The following CNTNAP3B variants were observed in gnomAD, a reference collection of about 807,000 sequenced individuals.
CNTNAP3B encodes the protein contactin associated protein family member 3B.
Under a neutral mutation model 108.9 loss-of-function variants are expected in CNTNAP3B, and 25 were observed. The ratio of observed to expected loss-of-function variants is 0.23; its 90% CI spans 0.17 to 0.32. The LOEUF is 0.32. Ranked by LOEUF, CNTNAP3B falls within the 10% of genes least tolerant of loss-of-function variation. CNTNAP3B has a pLI of 1.00. For missense variants in CNTNAP3B, 252 were observed against 1,210.4 expected (o/e 0.21, Z 11.75); for synonymous variants, 103 against 473.4 (o/e 0.22, Z 10.16).
intron 1 of CNTNAP3B, among the ~76,000 whole-genome samples, chr9:42,124,829 T>C (rs547852643): frequency 7.4e-6 from 1 of 135,360 alleles, no homozygotes; most frequent in Admixed American, 7.4e-5. Flanking sequence ...TAATTTGATT[T>C]AGAGACATAT....
chr9:41,916,437 G>A (rs1314458210), intron 18 of CNTNAP3B, among the ~76,000 whole-genome samples: 1 of 151,730 alleles, frequency 6.6e-6, no homozygotes, highest in East Asian at 1.9e-4. Context: ...TTTTTTGTGT[G>A]TAGATTCAGA....
intron 9 of CNTNAP3B, among the ~76,000 whole-genome samples, chr9:41,977,777 G>A (rs1399252065): frequency 2.4e-5 from 2 of 82,140 alleles, no homozygotes; most frequent in Non-Finnish European, 4.6e-5. Context: ...CCACCACCAT[G>A]CCCAGCTAAT....
chr9:41,933,403 G>A (rs1824040391), intron 14 of CNTNAP3B, among the ~76,000 whole-genome samples: 1 of 152,064 alleles, frequency 6.6e-6, no homozygotes, highest in Non-Finnish European at 1.5e-5. Flanking sequence ...AAGATACTGA[G>A]TCATACTATC....
At chr9:42,063,965 C>T (rs1474108408) in intron 3 of CNTNAP3B, among the ~76,000 whole-genome samples, 2 of 146,488 alleles carry the variant, frequency 1.4e-5, no homozygotes, top group African/African-American at 2.6e-5. Flanking sequence ...AAGTTTTGTT[C>T]TTTTGATGCT....
chr9:42,028,930 T>C (rs1212225465), intron 3 of CNTNAP3B, among the ~76,000 whole-genome samples: 1 of 151,888 alleles, frequency 6.6e-6, no homozygotes, highest in African/African-American at 2.4e-5. Context: ...AATTAAAATT[T>C]TTTTGGCATT....
intron 3 of CNTNAP3B, among the ~76,000 whole-genome samples, chr9:42,014,620 C>G (rs1401340724): frequency 1.9e-5 from 2 of 106,306 alleles, no homozygotes; most frequent in African/African-American, 7.6e-5. Context: ...GAAACCCTGT[C>G]TCTACTAAAA....
chr9:41,931,191 T>A lies in CNTNAP3B; in HGVS notation c.2238-1747A>T, dbSNP rs1276520992. On this transcript the variant is annotated intron_variant, in intron 14 of 23. Transcript: ENST00000377561. ...ATAAGGCTTTCTGAATTAAAAAAAA[T>A]TAAATTGGCATGTCAGAGTTGTACA... 4.6e-5 allele frequency among the ~76,000 whole-genome samples: 7 copies of A among 152,414 alleles called. No individual in the cohort carries two copies. The South Asian group carries it at 8.3e-4, about 18-fold the overall frequency.
chr9:42,115,544 T>C (rs1462705301), intron 1 of CNTNAP3B, among the ~76,000 whole-genome samples: 1 of 137,730 alleles, frequency 7.3e-6, no homozygotes, highest in Non-Finnish European at 1.5e-5. Context: ...CAGCAACATT[T>C]GCCATTCTGC....
intron 18 of CNTNAP3B, among the ~76,000 whole-genome samples, chr9:41,918,389 C>A (rs1248559214): frequency 2.7e-5 from 4 of 147,082 alleles, no homozygotes; most frequent in Admixed American, 6.8e-5. Context: ...TCTCTTAAAA[C>A]ACTTTATGAA....
intron 13 of CNTNAP3B, among the ~76,000 whole-genome samples, chr9:41,944,360 G>T (rs1300487439): frequency 0.11 from 15,419 of 137,044 alleles, 93 homozygotes; most frequent in Middle Eastern, 0.15. Context: ...GGTGATTATG[G>T]CTTATGAATA....
intron 14 of CNTNAP3B, among the ~76,000 whole-genome samples, chr9:41,934,650 A>C (rs1347375618): frequency 5.7e-4 from 87 of 152,344 alleles, no homozygotes; most frequent in Non-Finnish European, 1.1e-3. Context: ...TGTCTGACAT[A>C]ATACAGCTAT....
Position 42,056,048 on chromosome 9 carries a change from T to C in CNTNAP3B, c.390+20821A>G, listed in dbSNP as rs569692220. On this transcript the variant is annotated intron_variant, in intron 3 of 23. Transcript: ENST00000377561. ...CACAGTAAGCACTCAAGATACATAA[T>C]GTCTTCATACTTAAATTTGTTCTTA... Among the ~76,000 whole-genome samples the C allele has an allele frequency of 3.9e-4, 44 of 113,442 alleles. 1 individual carries two copies. Among genetic ancestry groups the C allele is most frequent in the African/African-American group, 1.4e-3 (39 of 28,882 alleles). 74.4% of individuals were successfully genotyped at this position (113,442 alleles called of 152,430 possible).
chr9:41,972,974 G>T (rs1185754479), intron 9 of CNTNAP3B, among the ~76,000 whole-genome samples: 1 of 85,324 alleles, frequency 1.2e-5, no homozygotes, highest in Non-Finnish European at 2.2e-5. Flanking sequence ...GTCTCATGCT[G>T]TCACCCAGGC....
chr9:41,965,723 C>T (rs1261612690), intron 10 of CNTNAP3B, among the ~76,000 whole-genome samples: 1 of 152,150 alleles, frequency 6.6e-6, no homozygotes. Context: ...AGAGAAGTAA[C>T]AGAAGAGGGG....
chr9:42,089,665 C>T (rs1300848242), intron 2 of CNTNAP3B, among the ~76,000 whole-genome samples: 1 of 148,356 alleles, frequency 6.7e-6, no homozygotes, highest in Admixed American at 6.7e-5. Context: ...TTCTCTGCCT[C>T]TTAATCACTG....
At chr9:42,098,628 A>T (rs1827960941) in intron 2 of CNTNAP3B, among the ~76,000 whole-genome samples, 1 of 90,474 alleles carries the variant, frequency 1.1e-5, no homozygotes, top group Admixed American at 1.1e-4. Context: ...GATAACTAAG[A>T]CTTTGGCCCT....
intron 15 of CNTNAP3B, among the ~76,000 whole-genome samples, chr9:41,924,690 C>CACACAG (rs1823764629): frequency 6.7e-6 from 1 of 149,186 alleles, no homozygotes; most frequent in African/African-American, 2.5e-5. Flanking sequence ...CACACACACA[C>CACACAG]AGTCTTAATT....
intron 17 of CNTNAP3B, among the ~76,000 whole-genome samples, chr9:41,922,140 A>G (rs1823686096): frequency 1.5e-5 from 2 of 137,446 alleles, no homozygotes; most frequent in South Asian, 4.6e-4. Flanking sequence ...TCATCTGTAA[A>G]CAGATGACAA....
intron 1 of CNTNAP3B, among the ~76,000 whole-genome samples, chr9:42,118,677 G>A (rs1446622487): frequency 1.8e-5 from 2 of 111,394 alleles, no homozygotes; most frequent in Admixed American, 1.9e-4. Context: ...TCTGGTCAGG[G>A]CAATCAGGCA....
Sources: gnomAD v4.1 joint callset for allele counts (sites outside exome capture counted in the v4.1 genomes callset) on GRCh38, gnomAD v4.1.1 for gene constraint, MANE v1.5 for transcripts, NCBI Gene and HGNC (gene_info 2026-07-23, HGNC 2026-07-21) for gene names.